Variants in ALG10B observed in about 807,000 individuals in gnomAD.
ALG10B encodes dol-P-Glc:Glc(2)Man(9)GlcNAc(2)-PP-Dol alpha-1,2-glucosyltransferase B.
ALG10B carries 27 observed loss-of-function variants against 38.7 expected under a neutral mutation model. The observed-to-expected ratio is 0.70, with a 90% CI of 0.51 to 0.96. ALG10B has a LOEUF of 0.96. Ranked by LOEUF, ALG10B falls within the 40% of genes least tolerant of loss-of-function variation. The pLI is 0.00. For missense variants in ALG10B, 522 were observed against 542.7 expected (o/e 0.96, Z 0.38); for synonymous variants, 177 against 193.3 (o/e 0.92, Z 0.70).
At chr12:38,317,099 G>T (rs1311894029) in intron 1 of ALG10B, 35 bp downstream of exon 1, 2 of 1,613,568 alleles carry the variant, frequency 1.2e-6, no homozygotes, top group Admixed American at 1.7e-5. Flanking sequence ...CCCAGGAGAG[G>T]CCTGAAAGGT....
chr12:38,327,641 T>G lies in ALG10B; in HGVS notation c.*6428T>G, dbSNP rs1945757557. 2 of 151,814 alleles carry G rather than the reference T, an allele frequency of 1.3e-5. No homozygotes were observed. The highest frequency in any genetic ancestry group is 1.5e-5 in the Non-Finnish European group (1 of 67,954). The allele number at this position is 151,814 out of a possible 1,614,324, so 9.4% of individuals were successfully genotyped here. A position where few individuals can be genotyped will look rare whatever the true frequency, so the allele number is the denominator to read the frequency against. ...TCATATTCTGCCTCACTATGAAAAG[T>G]TTTTTTTCAATTTTTTTTAAATCAA... is the stretch of plus-strand genomic sequence containing the variant. On this transcript the variant is annotated 3_prime_UTR_variant, in exon 3 of 3. Coordinates refer to ENST00000308742, the MANE Select transcript of ALG10B (RefSeq NM_001013620.4).
chr12:38,327,371 A>G lies in ALG10B; in HGVS notation c.*6158A>G, dbSNP rs761018269. The G allele has an allele frequency of 2.0e-5, 3 of 152,220 alleles. No homozygotes were observed. The highest frequency in any genetic ancestry group is 4.4e-5 in the Non-Finnish European group (3 of 68,038). 9.4% of individuals were successfully genotyped at this position (152,220 alleles called of 1,614,324 possible). A position where few individuals can be genotyped will look rare whatever the true frequency, so the allele number is the denominator to read the frequency against. On this transcript the variant is annotated 3_prime_UTR_variant, in exon 3 of 3. Transcript: ENST00000308742. ...ATAAGATGAAAAAAGGAGAAAAAGT[A>G]ACAATAATAATGATGGTTGCCATCA...
rs531037844 is a variant in ALG10B, at chr12:38,326,261, T to A, written c.*5048T>A. ...ATCATTAGTGTTCGTGTATTTTATG[T>A]GTGGCCCAAGATGGTTCTTCCAGTG... On this transcript the variant is annotated 3_prime_UTR_variant, in exon 3 of 3. Coordinates refer to ENST00000308742, the MANE Select transcript of ALG10B (RefSeq NM_001013620.4). 1 of 152,036 alleles carries A rather than the reference T, an allele frequency of 6.6e-6. No homozygotes were observed. Among genetic ancestry groups the A allele is most frequent in the South Asian group, 2.1e-4 (1 of 4,828 alleles). The allele number at this position is 152,036 out of a possible 1,614,324, so 9.4% of individuals were successfully genotyped here. A position where few individuals can be genotyped will look rare whatever the true frequency, so the allele number is the denominator to read the frequency against.
rs1945707169 is a variant in ALG10B, at chr12:38,321,782, A to AAGT, written c.*572_*574dup. On this transcript the variant is annotated 3_prime_UTR_variant, in exon 3 of 3. Transcript: ENST00000308742. The stretch of plus-strand genomic sequence containing the variant: ...AGAAATGCATAGATAGTAAATGATA[A>AAGT]AGTAGAGACTCATATATGTCTGTCT... 6.6e-6 allele frequency: 1 copy of AAGT among 152,668 alleles called. No homozygotes were observed. Among genetic ancestry groups the AAGT allele is most frequent in the Admixed American group, 6.5e-5 (1 of 15,282 alleles). The allele number at this position is 152,668 out of a possible 1,614,324, so 9.5% of individuals were successfully genotyped here. A position where few individuals can be genotyped will look rare whatever the true frequency, so the allele number is the denominator to read the frequency against.
Position 38,322,473 on chromosome 12 carries a change from AT to A in ALG10B, c.*1266del, listed in dbSNP as rs1591938940. 6.6e-6 allele frequency: 1 copy of A among 152,158 alleles called. No individual in the cohort carries two copies. Among genetic ancestry groups the A allele is most frequent in the South Asian group, 2.1e-4 (1 of 4,830 alleles). 9.4% of individuals were successfully genotyped at this position (152,158 alleles called of 1,614,324 possible). A position where few individuals can be genotyped will look rare whatever the true frequency, so the allele number is the denominator to read the frequency against. On this transcript the variant is annotated 3_prime_UTR_variant, in exon 3 of 3. Transcript: ENST00000308742. ...GATTGTTAGGAGACTACCTTTAAAA[AT>A]TTTTTATTATATATCAAATTATAGT...
rs1945739194 is a variant in ALG10B at position 38,325,792 on chromosome 12, A to T, written c.*4579A>T. ...TGAGAATAGTATTTGTCCTAACTCT[A>T]GTCAGTGTCTGATTGGTATGTGTAT... On this transcript the variant is annotated 3_prime_UTR_variant, in exon 3 of 3. Coordinates refer to ENST00000308742, the MANE Select transcript of ALG10B (RefSeq NM_001013620.4). The T allele has an allele frequency of 2.6e-5, 4 of 152,188 alleles. No individual in the cohort carries two copies. In the South Asian group the frequency reaches 8.3e-4, roughly 32 times the overall value. 9.4% of individuals were successfully genotyped at this position (152,188 alleles called of 1,614,324 possible).
chr12:38,320,317 G>C lies in ALG10B; in HGVS notation c.526G>C (p.Ala176Pro), dbSNP rs1404171270. ...MCLYGNHKTS[A>P]FLGFCGFMFR... is the part of the protein sequence containing the mutation. ...TCTTTATGGAAATCATAAAACTTCAGCCTTCCTTGGATTTTGTGGCTTCAT... is the reference window on the plus strand; with the variant it reads ...TCTTTATGGAAATCATAAAACTTCACCCTTCCTTGGATTTTGTGGCTTCAT... The change falls in exon 3 of 3, where the codon GCC (alanine) becomes CCC (proline). Residue 176 changes from alanine to proline, a missense_variant. Ala to Pro is a conservative substitution (Grantham distance 27, BLOSUM62 -1). Transcript: ENST00000308742. 1 of 1,613,922 alleles carries C rather than the reference G, an allele frequency of 6.2e-7. No homozygotes were observed. Among genetic ancestry groups the C allele is most frequent in the South Asian group, 1.1e-5 (1 of 91,064 alleles).
chr12:38,329,618 G>A lies in ALG10B; in HGVS notation c.*8405G>A, dbSNP rs1046072. ...GGCTTCTAAAAGTCATTTGTGAGTT[G>A]ATGTTATTTAAAACTGCTTTTCAGT... On this transcript the variant is annotated 3_prime_UTR_variant, in exon 3 of 3. Transcript: ENST00000308742. 6.1e-6 allele frequency: 1 copy of A among 165,032 alleles called. No individual in the cohort carries two copies. The highest frequency in any genetic ancestry group is 2.4e-5 in the African/African-American group (1 of 42,024). 10.2% of individuals were successfully genotyped at this position (165,032 alleles called of 1,614,324 possible). A position where few individuals can be genotyped will look rare whatever the true frequency, so the allele number is the denominator to read the frequency against.
In ALG10B at chr12:38,323,734, GT is replaced by G. The variant is rs1945720771; in HGVS notation, c.*2525del. 1 of 600,136 alleles carries G rather than the reference GT, an allele frequency of 1.7e-6. No homozygotes were observed. The highest frequency in any genetic ancestry group is 2.9e-5 in the Admixed American group (1 of 34,246). The allele number at this position is 600,136 out of a possible 1,614,324, so 37.2% of individuals were successfully genotyped here. On this transcript the variant is annotated 3_prime_UTR_variant, in exon 3 of 3. Coordinates refer to ENST00000308742, the MANE Select transcript of ALG10B (RefSeq NM_001013620.4). ...TATAACAGTGATTGTAGAAAAACGT[GT>G]TTTACCCAGACTTCTTAAAAATTAG...
intron 2 of ALG10B, among the ~76,000 whole-genome samples, chr12:38,319,259 A>G (rs1945681430): frequency 6.6e-6 from 1 of 152,108 alleles, no homozygotes; most frequent in South Asian, 2.1e-4. Flanking sequence ...GTCCTGATGA[A>G]CGGATAGGGC....
In ALG10B at chr12:38,326,755, A is replaced by C. The variant is rs893820251; in HGVS notation, c.*5542A>C. ...TTGACAACTGACGTTTCCAATATAC[A>C]AAAACTTGTGTAACTGAGAAAATTA... On this transcript the variant is annotated 3_prime_UTR_variant, in exon 3 of 3. Transcript: ENST00000308742. 1.3e-5 allele frequency: 2 copies of C among 151,776 alleles called. No individual in the cohort carries two copies. Among genetic ancestry groups the C allele is most frequent in the Non-Finnish European group, 2.9e-5 (2 of 67,888 alleles). 9.4% of individuals were successfully genotyped at this position (151,776 alleles called of 1,614,324 possible).
At chr12:38,319,724 T>C (rs1945684874) in intron 2 of ALG10B, among the ~76,000 whole-genome samples, 1 of 152,164 alleles carries the variant, frequency 6.6e-6, no homozygotes, top group South Asian at 2.1e-4. Context: ...CCTTGTGTAG[T>C]GTTATGAAGG....
chr12:38,320,088 A>T, intron 2 of ALG10B, 73 bp from the exon 3 acceptor site: 3 of 1,574,048 alleles, frequency 1.9e-6, no homozygotes, highest in Non-Finnish European at 2.6e-6. Context: ...TTTTAAATAA[A>T]TCTCTTCATT....
In ALG10B at chr12:38,316,898, C is replaced by A. The variant is rs149150389; in HGVS notation, c.5C>A (p.Ala2Glu). M[A>E]QLEGYCFSAA... is the part of the protein sequence containing the mutation. The stretch of plus-strand genomic sequence containing the variant: ...GCAGTGGCTGTGGGAGCAGGAATGG[C>A]GCAGCTAGAGGGTTACTGTTTCTCG... The change falls in exon 1 of 3, where the codon GCG (alanine) becomes GAG (glutamate). Residue 2 changes from alanine (A) to glutamate (E), a missense_variant. Coordinates refer to ENST00000308742, the MANE Select transcript of ALG10B (RefSeq NM_001013620.4). 17 of 1,613,988 alleles carry A rather than the reference C, an allele frequency of 1.1e-5. No individual in the cohort carries two copies. The highest frequency in any genetic ancestry group is 1.4e-5 in the Non-Finnish European group (16 of 1,180,028).
rs1945754012 is a variant in ALG10B, at chr12:38,327,353, GAAAAA to G, written c.*6142_*6146del. ...TGTGTGTGTATGGCATATATAAGAT[GAAAAA>G]AGGAGAAAAAGTAACAATAATAATG... On this transcript the variant is annotated 3_prime_UTR_variant, in exon 3 of 3. Transcript: ENST00000308742. The G allele has an allele frequency of 6.6e-6, 1 of 151,668 alleles. No homozygotes were observed. Among genetic ancestry groups the G allele is most frequent in the East Asian group, 1.9e-4 (1 of 5,186 alleles). 9.4% of individuals were successfully genotyped at this position (151,668 alleles called of 1,614,324 possible).
Position 38,322,269 on chromosome 12 carries a change from T to C in ALG10B, c.*1056T>C, listed in dbSNP as rs1267732858. 6.6e-6 allele frequency: 1 copy of C among 152,322 alleles called. No individual in the cohort carries two copies. Among genetic ancestry groups the C allele is most frequent in the East Asian group, 1.9e-4 (1 of 5,174 alleles). The allele number at this position is 152,322 out of a possible 1,614,324, so 9.4% of individuals were successfully genotyped here. A position where few individuals can be genotyped will look rare whatever the true frequency, so the allele number is the denominator to read the frequency against. ...CATTACCTTTTAAGGACAGTGTCTT[T>C]GAATGTAGGGCCCACCCTGATCTAG... is the stretch of plus-strand genomic sequence containing the variant. On this transcript the variant is annotated 3_prime_UTR_variant, in exon 3 of 3. Coordinates refer to ENST00000308742, the MANE Select transcript of ALG10B (RefSeq NM_001013620.4).
At position 38,324,110 on chromosome 12, in the gene ALG10B, G is replaced by A; in HGVS notation, c.*2897G>A. On this transcript the variant is annotated 3_prime_UTR_variant, in exon 3 of 3. Transcript: ENST00000308742. ...TGCAATGGCGCGATCTTGGCTCACT[G>A]AAACCTCCACCTCCTGGGTTCAAGC... 3.5e-6 allele frequency: 2 copies of A among 565,444 alleles called. No individual in the cohort carries two copies. Among genetic ancestry groups the A allele is most frequent in the Non-Finnish European group, 6.3e-6 (2 of 318,142 alleles). 35.0% of individuals were successfully genotyped at this position (565,444 alleles called of 1,614,324 possible). A position where few individuals can be genotyped will look rare whatever the true frequency, so the allele number is the denominator to read the frequency against.
rs755843656 is a variant in ALG10B, at chr12:38,318,367, T to C, written c.278T>C (p.Ile93Thr). 1.9e-6 allele frequency: 3 copies of C among 1,614,178 alleles called. No homozygotes were observed. The highest frequency in any genetic ancestry group is 2.5e-6 in the Non-Finnish European group (3 of 1,180,002). The change falls in exon 2 of 3, where the codon ATT (isoleucine) becomes ACT (threonine). Residue 93 changes from isoleucine (I) to threonine (T), a missense_variant. By Grantham distance (89) the Ile-to-Thr change is moderately conservative. Transcript: ENST00000308742. ...FAWSEHVVCS[I>T]GMLRFVNLLF... The stretch of plus-strand genomic sequence containing the variant: ...TGGTCTGAACATGTTGTCTGCTCCA[T>C]TGGGATGCTCAGATTTGTTAATCTT...
rs1945745407 is a variant in ALG10B at position 38,326,475 on chromosome 12, TAAAG to T, written c.*5266_*5269del. On this transcript the variant is annotated 3_prime_UTR_variant, in exon 3 of 3. Transcript: ENST00000308742. ...AACACTTTAAAGGAAAGTTTCTTAT[TAAAG>T]AAACTTTATACCCTATTAAGGGTAT... 1 of 31,288 alleles carries T rather than the reference TAAAG, an allele frequency of 3.2e-5. No homozygotes were observed. The highest frequency in any genetic ancestry group is 5.4e-5 in the Non-Finnish European group (1 of 18,540). The allele number at this position is 31,288 out of a possible 1,614,324, so 1.9% of individuals were successfully genotyped here.
Sources: gnomAD v4.1 joint callset for allele counts (sites outside exome capture counted in the v4.1 genomes callset) on GRCh38, gnomAD v4.1.1 for gene constraint, MANE v1.5 for transcripts, NCBI Gene and HGNC (gene_info 2026-07-23, HGNC 2026-07-21) for gene names.